Variants in POLQ observed in about 807,000 individuals in gnomAD.
POLQ encodes the protein DNA polymerase theta, also known as epididymis secretory sperm binding protein.
A neutral mutation model predicts 259.2 loss-of-function variants in POLQ; 233 were observed. That is an observed-to-expected ratio of 0.90 (90% confidence interval 0.81 to 1.00). The LOEUF is 1.00. POLQ is among the 50% of genes least tolerant of loss of function. The probability of loss-of-function intolerance (pLI) is 0.00; values close to 1 mark genes in which losing one functional copy is unlikely to be tolerated. For synonymous variants in POLQ, 1,025 were observed against 1,048.8 expected (o/e 0.98, Z 0.44); for missense variants, 2,871 against 3,051.6 (o/e 0.94, Z 1.39).
At chr3:121,493,806 T>C (rs2048091751) in intron 14 of POLQ, 85 bp from the exon 15 acceptor site, 3 of 1,332,442 alleles carry the variant, frequency 2.3e-6, no homozygotes, top group Non-Finnish European at 3.1e-6. Flanking sequence ...ATATTTTCTT[T>C]TGTTTTTTCC....
intron 19 of POLQ, among the ~76,000 whole-genome samples, chr3:121,479,322 G>A (rs1211251027): frequency 3.4e-5 from 5 of 149,102 alleles, no homozygotes; most frequent in African/African-American, 1.2e-4. Flanking sequence ...GACCAGCCTG[G>A]GCAACATAGC....
Position 121,443,844 on chromosome 3 carries a change from T to C in POLQ, c.7265-3728A>G, listed in dbSNP as rs182332161. Among the ~76,000 whole-genome samples the C allele has an allele frequency of 1.4e-4, 21 of 152,300 alleles. No individual in the cohort carries two copies. In the East Asian group the frequency reaches 4.0e-3, roughly 29 times the overall value. On this transcript the variant is annotated intron_variant, in intron 26 of 29. Transcript: ENST00000264233. ...CCAACACCATTTATTGAAGAGACTG[T>C]CTTTTCCCCAGTGCATGTTCTTGGT...
intron 12 of POLQ, among the ~76,000 whole-genome samples, chr3:121,499,764 C>T (rs1023063733): frequency 1.3e-5 from 2 of 151,994 alleles, no homozygotes; most frequent in African/African-American, 4.8e-5. Context: ...ATGTCTCAAA[C>T]ACAGGGGGAA....
At chr3:121,446,997 C>T (rs1232646865) in intron 26 of POLQ, among the ~76,000 whole-genome samples, 1 of 151,928 alleles carries the variant, frequency 6.6e-6, no homozygotes, top group African/African-American at 2.4e-5. Context: ...TTGTTGTTTA[C>T]TGGTTGTTCC....
rs201454367 is a variant in POLQ, at chr3:121,541,429, G to A, written c.394C>T (p.Arg132Trp). 2.3e-5 allele frequency: 37 copies of A among 1,610,670 alleles called. No individual in the cohort carries two copies. In the Admixed American group the frequency reaches 4.0e-4, roughly 18 times the overall value. ...TLVAELLILK[R>W]VLEMRKKALF... ...GCTTTCTTCCGCATTTCCAAAACCC[G>A]CTTCAAAATAAGTAATTCTGCCACA... Residue 132 changes from arginine (R) to tryptophan (W), a missense_variant, in exon 3 of 30, where the codon CGG becomes TGG. Around this residue, in one of 3 missense-constraint regions of POLQ, gnomAD observed 783 missense variants for 906.2 expected, o/e 0.86. Transcript: ENST00000264233.
chr3:121,481,703 T>C lies in POLQ; in HGVS notation c.6080A>G (p.Gln2027Arg), dbSNP rs751391098. Residue 2027 changes from glutamine (Q) to arginine (R), a missense_variant, in exon 19 of 30, where the codon CAA becomes CGA. This residue lies in a region of POLQ where 2,080 missense variants were observed against 2,126.0 expected (regional missense o/e 0.98). Coordinates refer to ENST00000264233, the MANE Select transcript of POLQ (RefSeq NM_199420.4). The stretch of plus-strand genomic sequence containing the variant: ...ATTTAGCCCCAGGCTTTGAATCCCT[T>C]GGCTGGTCTCCATCCCTTCTAGGAG... ...LPLLEGMETS[Q>R]GIQSLGLNAG... The C allele has an allele frequency of 5.0e-5, 80 of 1,614,048 alleles. No individual in the cohort carries two copies. The highest frequency in any genetic ancestry group is 6.4e-5 in the Non-Finnish European group (76 of 1,180,018).
intron 5 of POLQ, among the ~76,000 whole-genome samples, chr3:121,535,937 C>G (rs948184614): frequency 6.6e-6 from 1 of 151,954 alleles, no homozygotes; most frequent in African/African-American, 2.4e-5. Flanking sequence ...GATTAACCAC[C>G]TATCTAGATT....
Position 121,489,720 on chromosome 3 carries a change from T to C in POLQ, c.3211A>G (p.Thr1071Ala), listed in dbSNP as rs1020379709. Residue 1071 changes from threonine (T) to alanine (A), a missense_variant, in exon 16 of 30, where the codon ACT becomes GCT. Transcript: ENST00000264233. ...TCACAAAGACTAGGATTAGACAGAG[T>C]CTGTCCTTGTAAATGGATTCTACAC... ...GACRIHLQGQ[T>A]LSNPSLCEDP... 1 of 1,612,702 alleles carries C rather than the reference T, an allele frequency of 6.2e-7. No homozygotes were observed. Among genetic ancestry groups the C allele is most frequent in the South Asian group, 1.1e-5 (1 of 90,766 alleles).
At chr3:121,453,538 A>T (rs1476038870) in intron 25 of POLQ, among the ~76,000 whole-genome samples, 2 of 152,178 alleles carry the variant, frequency 1.3e-5, no homozygotes, top group Non-Finnish European at 2.9e-5. Flanking sequence ...TACAGAGAAG[A>T]GCTTAAAGGA....
intron 7 of POLQ, among the ~76,000 whole-genome samples, chr3:121,522,661 A>G (rs2048345925): frequency 6.6e-6 from 1 of 152,212 alleles, no homozygotes; most frequent in South Asian, 2.1e-4. Flanking sequence ...GGACATTGTT[A>G]TATAATTGGT....
At chr3:121,434,729 G>GT (rs1055331545) in intron 28 of POLQ, among the ~76,000 whole-genome samples, 21 of 152,172 alleles carry the variant, frequency 1.4e-4, no homozygotes, top group Non-Finnish European at 1.8e-4. Flanking sequence ...TCTATAACCT[G>GT]TATGTATGTC....
Position 121,498,524 on chromosome 3 carries a change from T to C in POLQ, c.2106A>G (p.Val702=), listed in dbSNP as rs2048142318. 1 of 1,614,192 alleles carries C rather than the reference T, an allele frequency of 6.2e-7. No individual in the cohort carries two copies. Residue 702 remains valine (V), a synonymous_variant, in exon 13 of 30, where the codon GTA becomes GTG. Transcript: ENST00000264233. ...GFLARCVKGK[V]VARTERQHRQ... ...GATGCTGTCTCTCAGTTCTGGCTAC[T>C]ACTTTTCCTTTCACACAACGGGCCA...
chr3:121,494,962 T>TAA, intron 14 of POLQ: 220 of 583,136 alleles, frequency 3.8e-4, no homozygotes, highest in South Asian at 1.1e-3. Flanking sequence ...ATACAAATTT[T>TAA]CAAAAAAAAA....
In POLQ at chr3:121,481,650, T is replaced by A. The variant is rs531138492; in HGVS notation, c.6133A>T (p.Arg2045Ter). ...NAGSEHSGRY[R>*]ASVESILIFN... ...ATGAGAATGGACTCCACAGATGCTC[T>A]GTATCGCCCAGAATGCTCACTGCCA... is the stretch of plus-strand genomic sequence containing the variant. Residue 2045 changes from arginine to a stop codon, truncating the protein, a stop_gained, in exon 19 of 30, where the codon AGA becomes TGA. Coordinates refer to ENST00000264233, the MANE Select transcript of POLQ (RefSeq NM_199420.4). LOFTEE classifies it high-confidence loss of function. 1.2e-6 allele frequency: 2 copies of A among 1,614,062 alleles called. No individual in the cohort carries two copies. Among genetic ancestry groups the A allele is most frequent in the African/African-American group, 2.7e-5 (2 of 75,052 alleles).
chr3:121,486,893 CAG>C (rs3045624), intron 16 of POLQ, among the ~76,000 whole-genome samples: 83,207 of 140,136 alleles, frequency 0.59, 24,425 homozygotes, highest in East Asian at 0.86. Flanking sequence ...GAAAGAGAGA[CAG>C]AGAGAGAGAG....
At position 121,471,932 on chromosome 3, in the gene POLQ, T is replaced by C. The variant is rs1576408850; in HGVS notation, c.6718+58A>G. On this transcript the variant is annotated intron_variant, in intron 22 of 29. Transcript: ENST00000264233. ...CTTGGCCATCATAAAAAATATTACA[T>C]ATGAAAATGCTTTTCCTTCAAAATT... 25 of 988,550 alleles carry C rather than the reference T, an allele frequency of 2.5e-5. No homozygotes were observed. The East Asian group carries it at 6.4e-4, about 25-fold the overall frequency. The allele number at this position is 988,550 out of a possible 1,614,324, so 61.2% of individuals were successfully genotyped here. A position where few individuals can be genotyped will look rare whatever the true frequency, so the allele number is the denominator to read the frequency against.
intron 9 of POLQ, among the ~76,000 whole-genome samples, chr3:121,515,068 A>C (rs1179854097): frequency 6.6e-6 from 1 of 152,218 alleles, no homozygotes; most frequent in Non-Finnish European, 1.5e-5. Context: ...TGCAGGGACT[A>C]GTTCTGCCAA....
At chr3:121,532,313 C>T (rs1025543654) in intron 6 of POLQ, among the ~76,000 whole-genome samples, 3 of 152,000 alleles carry the variant, frequency 2.0e-5, no homozygotes, top group Non-Finnish European at 2.9e-5. Flanking sequence ...TTATACCTAC[C>T]ATTTAACAAA....
intron 12 of POLQ, among the ~76,000 whole-genome samples, chr3:121,504,409 C>T (rs1199894266): frequency 6.6e-6 from 1 of 152,198 alleles, no homozygotes. Flanking sequence ...AAAACATTTA[C>T]TCCAAAGTAA....
Sources: gnomAD v4.1 joint callset for allele counts (sites outside exome capture counted in the v4.1 genomes callset) on GRCh38, gnomAD v4.1.1 for gene constraint, gnomAD v4.1.1 regional missense constraint, MANE v1.5 for transcripts, NCBI Gene and HGNC (gene_info 2026-07-23, HGNC 2026-07-21) for gene names.